The following NFYA variants were observed in gnomAD, a reference collection of about 807,000 sequenced individuals.
NFYA encodes CAAT-box DNA binding protein subunit A.
In NFYA, 28 loss-of-function variants were observed where a neutral mutation model predicts 52.8. That is an observed-to-expected ratio of 0.53 (90% confidence interval 0.39 to 0.73). The LOEUF (loss-of-function observed/expected upper bound fraction) is 0.73, where lower values mean the gene tolerates loss of function less well. Among genes scored for constraint, NFYA ranks in the 30% least tolerant of loss-of-function variants. NFYA has a pLI of 0.00. For synonymous variants in NFYA, 150 were observed against 150.7 expected (o/e 1.00, Z 0.03); for missense variants, 234 against 427.0 (o/e 0.55, Z 3.98).
intron 7 of NFYA, 97 bp from the exon 8 acceptor site, chr6:41,092,815 T>C: frequency 7.7e-7 from 1 of 1,290,944 alleles, no homozygotes; most frequent in East Asian, 2.3e-5. Context: ...TTACTTTTTG[T>C]GGCATTTACA....
At chr6:41,096,729 C>T (rs1218916176) in intron 9 of NFYA, among the ~76,000 whole-genome samples, 1 of 152,126 alleles carries the variant, frequency 6.6e-6, no homozygotes, top group Non-Finnish European at 1.5e-5. Flanking sequence ...AGGATTTATC[C>T]TTGTGTTAAC....
At chr6:41,094,017 T>G (rs888454704) in intron 8 of NFYA, among the ~76,000 whole-genome samples, 1 of 152,228 alleles carries the variant, frequency 6.6e-6, no homozygotes, top group Non-Finnish European at 1.5e-5. Context: ...AGTGAAACCC[T>G]GTTTCTAGAA....
intron 9 of NFYA, among the ~76,000 whole-genome samples, chr6:41,094,837 G>A (rs1259094660): frequency 6.6e-6 from 1 of 152,150 alleles, no homozygotes; most frequent in Admixed American, 6.5e-5. Flanking sequence ...TACTTGGAGG[G>A]TTGAGATGCT....
At chr6:41,082,962 A>G (rs1430815437) in intron 3 of NFYA, among the ~76,000 whole-genome samples, 1 of 152,044 alleles carries the variant, frequency 6.6e-6, no homozygotes, top group Non-Finnish European at 1.5e-5. Context: ...TTGTAGGAGG[A>G]CCTTACTATC....
At chr6:41,082,219 T>G (rs1250533013) in intron 3 of NFYA, among the ~76,000 whole-genome samples, 1 of 152,218 alleles carries the variant, frequency 6.6e-6, no homozygotes, top group Non-Finnish European at 1.5e-5. Flanking sequence ...TTGGTAATGA[T>G]GTACAGCCAA....
chr6:41,092,825 A>C, intron 7 of NFYA, 87 bp from the exon 8 acceptor site: 2 of 1,363,374 alleles, frequency 1.5e-6, no homozygotes, highest in Non-Finnish European at 2.0e-6. Flanking sequence ...TGGCATTTAC[A>C]AAAAAAATGG....
At position 41,094,425 on chromosome 6, in the gene NFYA, T is replaced by C; in HGVS notation, c.918T>C (p.His306=). Residue 306 remains histidine (H), a synonymous_variant, in exon 9 of 10, where the codon CAT becomes CAC. Transcript: ENST00000341376. ...RKYLHESRHR[H]AMARKRGEGG... The stretch of plus-strand genomic sequence containing the variant: ...ACCTGCATGAGTCTCGGCACCGTCA[T>C]GCCATGGCACGGAAGCGTGGTGAAG... 2 of 1,614,246 alleles carry C rather than the reference T, an allele frequency of 1.2e-6. No individual in the cohort carries two copies. The highest frequency in any genetic ancestry group is 2.2e-5 in the South Asian group (2 of 91,088).
intron 3 of NFYA, 38 bp downstream of exon 3, chr6:41,080,935 A>G (rs1276650464): frequency 6.6e-7 from 1 of 1,506,476 alleles, no homozygotes; most frequent in South Asian, 1.1e-5. Flanking sequence ...CACTGCATGA[A>G]CTTCTCCTCT....
chr6:41,084,306 T>G (rs1192405315), intron 4 of NFYA, 114 bp downstream of exon 4: 1 of 1,248,784 alleles, frequency 8.0e-7, no homozygotes, highest in East Asian at 2.5e-5. Flanking sequence ...TAACCCACAT[T>G]TTGCATTCAG....
intron 3 of NFYA, among the ~76,000 whole-genome samples, chr6:41,083,030 C>T (rs1052628419): frequency 6.6e-6 from 1 of 152,204 alleles, no homozygotes; most frequent in African/African-American, 2.4e-5. Flanking sequence ...CTTGCACATA[C>T]TTTCATTAAG....
chr6:41,091,923 A>G (rs567716475), intron 7 of NFYA, among the ~76,000 whole-genome samples: 6 of 152,352 alleles, frequency 3.9e-5, no homozygotes, highest in Non-Finnish European at 7.3e-5. Flanking sequence ...AGATAAAGCA[A>G]TGGATAAATA....
chr6:41,078,017 A>G (rs906482057), intron 1 of NFYA, among the ~76,000 whole-genome samples: 8 of 152,160 alleles, frequency 5.3e-5, no homozygotes, highest in African/African-American at 1.4e-4. Context: ...TTCTTATTCT[A>G]GAAATAAGAA....
chr6:41,100,843 G>C lies in NFYA; in HGVS notation c.*3433G>C, dbSNP rs1437728197. Among the ~76,000 whole-genome samples the C allele has an allele frequency of 6.6e-6, 1 of 152,242 alleles. No homozygotes were observed. The highest frequency in any genetic ancestry group is 1.5e-5 in the Non-Finnish European group (1 of 68,038). On this transcript the variant is annotated 3_prime_UTR_variant, in exon 10 of 10. Coordinates refer to ENST00000341376, the MANE Select transcript of NFYA (RefSeq NM_002505.5). ...GCACCTCCAGCCCCTTCTCCCCGGG[G>C]AAGTAGGCCCCGCTAAGAATGTGGG... is the stretch of plus-strand genomic sequence containing the variant.
At chr6:41,088,592 T>C (rs1192886672) in intron 4 of NFYA, among the ~76,000 whole-genome samples, 2 of 152,074 alleles carry the variant, frequency 1.3e-5, no homozygotes, top group Non-Finnish European at 2.9e-5. Flanking sequence ...TTTTCTTTGT[T>C]TGTTTTTTTG....
Position 41,100,964 on chromosome 6 carries a change from C to G in NFYA, c.*3554C>G, listed in dbSNP as rs1764483673. 6.6e-6 allele frequency: 1 copy of G among 151,108 alleles called. No homozygotes were observed. Among genetic ancestry groups the G allele is most frequent in the African/African-American group, 2.4e-5 (1 of 41,412 alleles). The allele number at this position is 151,108 out of a possible 1,614,324, so 9.4% of individuals were successfully genotyped here. A position where few individuals can be genotyped will look rare whatever the true frequency, so the allele number is the denominator to read the frequency against. On this transcript the variant is annotated 3_prime_UTR_variant, in exon 10 of 10. Transcript: ENST00000341376. ...GGCGGCAGGCCTCCAATAGAGCCTG[C>G]TAGGCGGATTGGCTGCTACGCGGCT...
chr6:41,073,776 C>T (rs939521940), intron 1 of NFYA, among the ~76,000 whole-genome samples: 6 of 152,058 alleles, frequency 3.9e-5, no homozygotes, highest in Non-Finnish European at 8.8e-5. Flanking sequence ...ACTCCCCCTG[C>T]TCCGCCGCGC....
At chr6:41,090,632 C>T (rs1250779741) in intron 6 of NFYA, among the ~76,000 whole-genome samples, 4 of 152,134 alleles carry the variant, frequency 2.6e-5, no homozygotes, top group Non-Finnish European at 5.9e-5. Context: ...ATCAAGTTGG[C>T]TTTAGAGTGC....
intron 2 of NFYA, among the ~76,000 whole-genome samples, chr6:41,080,372 A>G (rs1403930203): frequency 3.3e-5 from 5 of 152,194 alleles, no homozygotes; most frequent in Admixed American, 3.3e-4. Flanking sequence ...ATTTCGGTTC[A>G]TAGTGATTAA....
intron 8 of NFYA, among the ~76,000 whole-genome samples, chr6:41,093,766 C>T (rs577939439): frequency 3.9e-4 from 60 of 152,342 alleles, no homozygotes; most frequent in African/African-American, 1.3e-3. Context: ...CCACCATACC[C>T]GGCCAGGTAC....
Sources: gnomAD v4.1 joint callset for allele counts (sites outside exome capture counted in the v4.1 genomes callset) on GRCh38, gnomAD v4.1.1 for gene constraint, MANE v1.5 for transcripts, NCBI Gene and HGNC (gene_info 2026-07-23, HGNC 2026-07-21) for gene names.